FAF1: variants seen among roughly 807,000 people sequenced by gnomAD.
FAF1 encodes the protein Fas associated factor 1.
A neutral mutation model predicts 92.5 loss-of-function variants in FAF1; 25 were observed. That is an observed-to-expected ratio of 0.27 (90% CI 0.20 to 0.38). FAF1 has a LOEUF of 0.38. Among genes scored for constraint, FAF1 ranks in the 10% least tolerant of loss-of-function variants. The pLI is 1.00. For missense variants in FAF1, 636 were observed against 793.3 expected (o/e 0.80, Z 2.38); for synonymous variants, 234 against 273.2 (o/e 0.86, Z 1.42).
At chr1:50,636,869 T>C (rs1045689690) in intron 8 of FAF1, among the ~76,000 whole-genome samples, 1 of 152,136 alleles carries the variant, frequency 6.6e-6, no homozygotes, top group Non-Finnish European at 1.5e-5. Flanking sequence ...AATTTGTGTA[T>C]GGCATAAGGT....
At chr1:50,943,187 C>T (rs1156687540) in intron 1 of FAF1, among the ~76,000 whole-genome samples, 1 of 152,156 alleles carries the variant, frequency 6.6e-6, no homozygotes, top group African/African-American at 2.4e-5. Flanking sequence ...CTGACAGAGG[C>T]TTGAACTAAA....
intron 7 of FAF1, among the ~76,000 whole-genome samples, chr1:50,701,368 A>G (rs1330814586): frequency 6.6e-6 from 1 of 150,956 alleles, no homozygotes; most frequent in Non-Finnish European, 1.5e-5. Flanking sequence ...AGCAACCCCA[A>G]CCCTCCCCAT....
At position 50,902,514 on chromosome 1, in the gene FAF1, A is replaced by G. The variant is rs576004885; in HGVS notation, c.46-44517T>C. ...GGGCTACTTAAAATTTTTAAATTAC[A>G]TATGTGGCTCACACTCTATTTTGGA... On this transcript the variant is annotated intron_variant, in intron 1 of 18. Transcript: ENST00000396153. Among the ~76,000 whole-genome samples, 3 of 152,160 alleles carry G rather than the reference A, an allele frequency of 2.0e-5. No homozygotes were observed. In the East Asian group the frequency reaches 5.8e-4, roughly 29 times the overall value.
At chr1:50,589,370 A>G (rs1367017477) in intron 9 of FAF1, among the ~76,000 whole-genome samples, 3 of 152,096 alleles carry the variant, frequency 2.0e-5, no homozygotes, top group African/African-American at 4.8e-5. Context: ...TTCTAGACCC[A>G]AGCAGGAGCA....
rs764137543 is a variant in FAF1, at chr1:50,475,551, G to T, written c.1782C>A (p.Asn594Lys). 1.9e-6 allele frequency: 3 copies of T among 1,614,126 alleles called. No homozygotes were observed. The highest frequency in any genetic ancestry group is 2.5e-6 in the Non-Finnish European group (3 of 1,179,990). Residue 594 changes from asparagine to lysine, a missense_variant, in exon 18 of 19, where the codon AAC becomes AAA. Coordinates refer to ENST00000396153, the MANE Select transcript of FAF1 (RefSeq NM_007051.3). ...CAAAATCAAAGACAATCTGGAGCTTGTTGCTGGCCAGGAAACGCCGCTCCA... is the reference window on the plus strand; with the variant it reads ...CAAAATCAAAGACAATCTGGAGCTTTTTGCTGGCCAGGAAACGCCGCTCCA... ...EFLERRFLASNKLQIVFDFVA... is the reference protein window; with the variant it reads ...EFLERRFLASKKLQIVFDFVA...
At chr1:50,599,613 T>C (rs1027411320) in intron 8 of FAF1, among the ~76,000 whole-genome samples, 1 of 152,208 alleles carries the variant, frequency 6.6e-6, no homozygotes, top group Non-Finnish European at 1.5e-5. Context: ...TAAGTAAATT[T>C]TGACTCTTAA....
At chr1:50,662,683 C>CTTTTTTTTTTTTTTTT (rs58193277) in intron 7 of FAF1, among the ~76,000 whole-genome samples, 1 of 77,578 alleles carries the variant, frequency 1.3e-5, no homozygotes, top group Non-Finnish European at 2.3e-5. Context: ...GAATTTGTAT[C>CTTTTTTTTTTTTTTTT]TTTTTTTTTT....
At chr1:50,930,153 A>G (rs894051031) in intron 1 of FAF1, among the ~76,000 whole-genome samples, 4 of 152,198 alleles carry the variant, frequency 2.6e-5, no homozygotes, top group Admixed American at 2.0e-4. Flanking sequence ...AAATGTACTG[A>G]TAAGTAGTAA....
chr1:50,796,887 T>G (rs866368849), intron 3 of FAF1, among the ~76,000 whole-genome samples: 1 of 152,142 alleles, frequency 6.6e-6, no homozygotes, highest in South Asian at 2.1e-4. Context: ...CCCAACACTT[T>G]GGGAGGCCGA....
intron 8 of FAF1, chr1:50,612,565 A>C (rs1652730105): frequency 1.6e-6 from 1 of 618,486 alleles, no homozygotes; most frequent in African/African-American, 2.0e-5. Flanking sequence ...TTTACCCCTC[A>C]ACACTGTGGA....
chr1:50,848,220 G>C (rs553621122), intron 2 of FAF1, among the ~76,000 whole-genome samples: 1 of 152,086 alleles, frequency 6.6e-6, no homozygotes, highest in East Asian at 1.9e-4. Context: ...TGCTCAAACA[G>C]ATAACTGACT....
intron 7 of FAF1, among the ~76,000 whole-genome samples, chr1:50,661,126 T>G (rs989227740): frequency 4.6e-5 from 7 of 152,134 alleles, no homozygotes; most frequent in South Asian, 2.1e-4. Flanking sequence ...AATAAGCATT[T>G]TAGTACTTTT....
At chr1:50,658,947 G>A (rs1655252451) in intron 7 of FAF1, among the ~76,000 whole-genome samples, 1 of 152,122 alleles carries the variant, frequency 6.6e-6, no homozygotes, top group Non-Finnish European at 1.5e-5. Context: ...CAAGTGATAA[G>A]ATAGCAAAAG....
chr1:50,526,801 G>A (rs540008791), intron 15 of FAF1, among the ~76,000 whole-genome samples: 5 of 151,862 alleles, frequency 3.3e-5, no homozygotes, highest in African/African-American at 1.2e-4. Flanking sequence ...CCCACTAGCA[G>A]CCAATGAGGG....
intron 2 of FAF1, among the ~76,000 whole-genome samples, chr1:50,851,746 T>C (rs1644353191): frequency 6.6e-6 from 1 of 152,178 alleles, no homozygotes; most frequent in African/African-American, 2.4e-5. Context: ...GGAAAAGTGA[T>C]ACAACAGGTA....
chr1:50,655,442 T>C lies in FAF1; in HGVS notation c.744A>G (p.Ser248=). The C allele has an allele frequency of 6.2e-7, 1 of 1,608,898 alleles. No individual in the cohort carries two copies. The highest frequency in any genetic ancestry group is 1.1e-5 in the South Asian group (1 of 90,976). Reference sequence around the variant, plus strand: ...AACTGAAAATTTGACTGTCACTTACTGAGTCGTCTGTAGCAGAAGTTGGCC... The same window carrying C: ...AACTGAAAATTTGACTGTCACTTACCGAGTCGTCTGTAGCAGAAGTTGGCC... ...EGWPTSATDD[S]MCLAESGLSY... The change falls in exon 8 of 19, where the codon TCA becomes TCG. Residue 248 remains serine, a splice_region_variant and synonymous_variant. Coordinates refer to ENST00000396153, the MANE Select transcript of FAF1 (RefSeq NM_007051.3).
At chr1:50,617,431 T>C (rs1652968908) in intron 8 of FAF1, among the ~76,000 whole-genome samples, 1 of 152,254 alleles carries the variant, frequency 6.6e-6, no homozygotes, top group Non-Finnish European at 1.5e-5. Flanking sequence ...TTTAATTCTG[T>C]TTATGTGGTG....
intron 1 of FAF1, among the ~76,000 whole-genome samples, chr1:50,884,209 A>T (rs1644637996): frequency 6.6e-6 from 1 of 151,118 alleles, no homozygotes; most frequent in African/African-American, 2.4e-5. Flanking sequence ...AAAACACATG[A>T]CATGTTAAAA....
intron 15 of FAF1, among the ~76,000 whole-genome samples, chr1:50,530,699 G>A (rs1487321876): frequency 6.6e-6 from 1 of 152,136 alleles, no homozygotes; most frequent in Admixed American, 6.6e-5. Context: ...CATTCTCCAT[G>A]ATGTGCTTAT....
Sources: allele counts gnomAD v4.1 joint callset (sites outside exome capture counted in the v4.1 genomes callset), GRCh38; gene constraint gnomAD v4.1.1; transcripts MANE v1.5; gene names NCBI Gene and HGNC (gene_info 2026-07-23, HGNC 2026-07-21).